Variants in UNC80 observed in about 807,000 individuals in gnomAD.
UNC80 encodes the protein unc-80 subunit of NALCN channel complex.
Under a neutral mutation model 384.6 loss-of-function variants are expected in UNC80, and 164 were observed. That is an observed-to-expected ratio of 0.43 (90% CI 0.38 to 0.49). The LOEUF is 0.49. UNC80 is among the 20% of genes least tolerant of loss of function. UNC80 has a pLI of 0.00. For synonymous variants in UNC80, 1,486 were observed against 1,527.8 expected (o/e 0.97, Z 0.64); for missense variants, 3,330 against 4,143.0 (o/e 0.80, Z 5.39).
At chr2:209,978,487 G>C in intron 58 of UNC80, 42 bp from the exon 59 acceptor site, 2 of 1,450,554 alleles carry the variant, frequency 1.4e-6, no homozygotes, top group Non-Finnish European at 1.9e-6. Flanking sequence ...GGACATTTAA[G>C]ATTCTCACCA....
Position 209,786,187 on chromosome 2 carries a change from C to T in UNC80, c.722C>T (p.Thr241Ile). The T allele has an allele frequency of 6.2e-7, 1 of 1,613,600 alleles. No individual in the cohort carries two copies. The highest frequency in any genetic ancestry group is 2.2e-5 in the East Asian group (1 of 44,872). The change falls in exon 5 of 65, where the codon ACA becomes ATA. Residue 241 changes from threonine (T) to isoleucine (I), a missense_variant and splice_region_variant. Around this residue, in one of 8 missense-constraint regions of UNC80, gnomAD observed 937 missense variants for 1,026.8 expected, o/e 0.91. Coordinates refer to ENST00000673920, the MANE Select transcript of UNC80 (RefSeq NM_001371986.1). ...ALVKPIRNII[T>I]AKRSSPINSQ... ...GTGAAGCCCATCAGGAACATCATTA[C>T]AGGTTTGTAACTTGGACACTCAGTA...
At chr2:209,898,068 T>A (rs1308778900) in intron 28 of UNC80, among the ~76,000 whole-genome samples, 1 of 152,152 alleles carries the variant, frequency 6.6e-6, no homozygotes, top group Non-Finnish European at 1.5e-5. Flanking sequence ...CTACAGTGAT[T>A]TACATTTATT....
intron 21 of UNC80, 26 bp downstream of exon 21, chr2:209,842,472 C>A: frequency 6.8e-7 from 1 of 1,476,264 alleles, no homozygotes; most frequent in African/African-American, 1.4e-5. Context: ...CCTAAGAATT[C>A]TATTCAACTT....
rs114395299 is a variant in UNC80, at chr2:209,974,327, T to C, written c.8587+1057T>C. On this transcript the variant is annotated intron_variant, in intron 56 of 64. Transcript: ENST00000673920. ...TGCATGTACCTAGGACTAACCCATA[T>C]GGATGCTCAGTTGGCCAAGGTATAC... 3.2e-3 allele frequency among the ~76,000 whole-genome samples: 484 copies of C among 152,332 alleles called. 2 individuals are homozygous for C. Among genetic ancestry groups the C allele is most frequent in the Non-Finnish European group, 5.5e-3 (376 of 68,028 alleles).
intron 13 of UNC80, among the ~76,000 whole-genome samples, chr2:209,821,048 G>T (rs180976766): frequency 6.6e-6 from 1 of 152,048 alleles, no homozygotes. Flanking sequence ...TCCTCAAGCT[G>T]CCATAACAAA....
At chr2:209,849,307 G>A (rs2082362823) in intron 21 of UNC80, 144 bp from the exon 22 acceptor site, 1 of 772,498 alleles carries the variant, frequency 1.3e-6, no homozygotes, top group African/African-American at 1.8e-5. Flanking sequence ...CATTAGGGTG[G>A]AGAGCAAGGA....
chr2:209,954,909 G>T (rs570979177), intron 48 of UNC80, among the ~76,000 whole-genome samples: 1 of 152,260 alleles, frequency 6.6e-6, no homozygotes, highest in East Asian at 1.9e-4. Context: ...TAGTCCTGTC[G>T]CAAGATGCTT....
chr2:209,907,680 T>C (rs1368603974), intron 29 of UNC80, among the ~76,000 whole-genome samples: 2 of 152,226 alleles, frequency 1.3e-5, no homozygotes, highest in African/African-American at 4.8e-5. Flanking sequence ...GCTTTCATTT[T>C]ATCCTGCGAG....
intron 36 of UNC80, among the ~76,000 whole-genome samples, chr2:209,927,341 A>C (rs1226977502): frequency 6.6e-6 from 1 of 152,360 alleles, no homozygotes; most frequent in African/African-American, 2.4e-5. Flanking sequence ...TTACGTGATT[A>C]CCTTTCCTGA....
Position 209,917,850 on chromosome 2 carries a change from C to T in UNC80, c.5103C>T (p.His1701=). The T allele has an allele frequency of 6.4e-7, 1 of 1,552,070 alleles. No individual in the cohort carries two copies. Among genetic ancestry groups the T allele is most frequent in the Non-Finnish European group, 8.7e-7 (1 of 1,147,066 alleles). The change falls in exon 32 of 65, where the codon CAC becomes CAT. Residue 1701 remains histidine (H), a synonymous_variant. Coordinates refer to ENST00000673920, the MANE Select transcript of UNC80 (RefSeq NM_001371986.1). Reference sequence around the variant, plus strand: ...ACATGCTGATGTCAGAGTTCCACCACCCGGAGACTGTGCAGAGGCTGAACG... The same window carrying T: ...ACATGCTGATGTCAGAGTTCCACCATCCGGAGACTGTGCAGAGGCTGAACG... ...VSDMLMSEFH[H]PETVQRLNAV...
At chr2:209,945,281 T>A in intron 46 of UNC80, 92 bp downstream of exon 46, 1 of 1,257,356 alleles carries the variant, frequency 8.0e-7, no homozygotes, top group Non-Finnish European at 1.1e-6. Context: ...TATATTTATA[T>A]GTGTGTGTAT....
chr2:209,826,770 A>G (rs1211146242), intron 14 of UNC80, among the ~76,000 whole-genome samples: 2 of 152,138 alleles, frequency 1.3e-5, no homozygotes, highest in Non-Finnish European at 2.9e-5. Context: ...TGGTTGCTTC[A>G]TATGTATGTT....
intron 24 of UNC80, among the ~76,000 whole-genome samples, chr2:209,880,598 T>G (rs1261627068): frequency 1.3e-5 from 2 of 152,226 alleles, no homozygotes; most frequent in Non-Finnish European, 2.9e-5. Flanking sequence ...ACTTCCCATT[T>G]CTGTTTTCGT....
chr2:209,822,049 C>T (rs1158762191), intron 13 of UNC80, among the ~76,000 whole-genome samples: 1 of 152,174 alleles, frequency 6.6e-6, no homozygotes, highest in East Asian at 1.9e-4. Context: ...CCACTTGACA[C>T]ATGTTTAATA....
intron 24 of UNC80, among the ~76,000 whole-genome samples, chr2:209,878,547 A>G (rs2084982963): frequency 6.6e-6 from 1 of 152,248 alleles, no homozygotes; most frequent in Non-Finnish European, 1.5e-5. Context: ...TAAACAGAGT[A>G]TATTATAGTA....
At chr2:209,878,175 T>C in intron 24 of UNC80, 86 bp downstream of exon 24, 1 of 1,317,508 alleles carries the variant, frequency 7.6e-7, no homozygotes, top group Non-Finnish European at 9.9e-7. Flanking sequence ...TTCTCCTTCA[T>C]ATTCTTACCA....
At chr2:209,806,901 A>G (rs1003325712) in intron 7 of UNC80, among the ~76,000 whole-genome samples, 2 of 152,168 alleles carry the variant, frequency 1.3e-5, no homozygotes, top group African/African-American at 4.8e-5. Context: ...GCTTCCATAG[A>G]TTGTTATTTC....
At chr2:209,832,577 T>G (rs115330185) in intron 16 of UNC80, among the ~76,000 whole-genome samples, 129 of 152,322 alleles carry the variant, frequency 8.5e-4, no homozygotes, top group African/African-American at 3.0e-3. Flanking sequence ...ACAATTCACT[T>G]AACTTGAGAT....
intron 41 of UNC80, 45 bp from the exon 42 acceptor site, chr2:209,937,484 A>C (rs1161412393): frequency 5.9e-6 from 8 of 1,350,382 alleles, no homozygotes; most frequent in Non-Finnish European, 8.3e-6. Context: ...AAAGATGTTT[A>C]ATCTTTTGAA....
Sources: gnomAD v4.1 joint callset for allele counts (sites outside exome capture counted in the v4.1 genomes callset) on GRCh38, gnomAD v4.1.1 for gene constraint, gnomAD v4.1.1 regional missense constraint, MANE v1.5 for transcripts, NCBI Gene and HGNC (gene_info 2026-07-23, HGNC 2026-07-21) for gene names.